MATN3: variants seen among roughly 807,000 people sequenced by gnomAD.
The protein encoded by MATN3 is matrilin 3.
In MATN3, 48 loss-of-function variants were observed where a neutral mutation model predicts 45.3. That is an observed-to-expected ratio of 1.06 (90% confidence interval 0.84 to 1.35). The LOEUF is 1.35. Ranked by LOEUF, MATN3 falls within the 40% of genes most tolerant of loss-of-function variation. The pLI is 0.00. For missense variants in MATN3, 599 were observed against 628.0 expected, an observed-to-expected ratio of 0.95 and a Z score of 0.49; for synonymous variants, 217 against 245.9, an observed-to-expected ratio of 0.88 and a Z score of 1.10.
Position 19,994,417 on chromosome 2 carries a change from C to T in MATN3, c.1295-8G>A, listed in dbSNP as rs1369645415. 2 of 1,513,236 alleles carry T rather than the reference C, an allele frequency of 1.3e-6. No individual in the cohort carries two copies. The highest frequency in any genetic ancestry group is 3.4e-5 in the Admixed American group (2 of 59,098). 93.7% of individuals were successfully genotyped at this position (1,513,236 alleles called of 1,614,324 possible). A position where few individuals can be genotyped will look rare whatever the true frequency, so the allele number is the denominator to read the frequency against. ...TTCGTGCTTCCTCAGTGGCTGAAGACAATGACAGTACACAAATATACTATC... is the reference window on the plus strand; with the variant it reads ...TTCGTGCTTCCTCAGTGGCTGAAGATAATGACAGTACACAAATATACTATC... On this transcript the variant is annotated splice_polypyrimidine_tract_variant and splice_region_variant and intron_variant, in intron 6 of 7. Transcript: ENST00000407540.
chr2:20,006,254 C>G lies in MATN3; in HGVS notation c.280G>C (p.Val94Leu), dbSNP rs1251267503. The change falls in exon 2 of 8, where the codon GTA becomes CTA. Residue 94 changes from valine to leucine, a missense_variant. By Grantham distance (32) the Val-to-Leu change is conservative (BLOSUM62 1). Coordinates refer to ENST00000407540, the MANE Select transcript of MATN3 (RefSeq NM_002381.5). ...LVFIIDSSRS[V>L]RPLEFTKVKT... is the part of the protein sequence containing the mutation. ...ACTTTGGTGAATTCCAGGGGCCGTA[C>G]GCTACGAGAACTATCAATGATAAAC... 1 of 1,607,486 alleles carries G rather than the reference C, an allele frequency of 6.2e-7. No individual in the cohort carries two copies. Among genetic ancestry groups the G allele is most frequent in the African/African-American group, 1.3e-5 (1 of 74,844 alleles).
Position 20,000,482 on chromosome 2 carries a change from T to G in MATN3, c.1127A>C (p.Tyr376Ser). 6.2e-7 allele frequency: 1 copy of G among 1,612,828 alleles called. No homozygotes were observed. Among genetic ancestry groups the G allele is most frequent in the Non-Finnish European group, 8.5e-7 (1 of 1,179,342 alleles). ...ATCTGCATTCAGAGTGTAGCCCTCA[T>G]AGCATTCACAATGATGGGACCCTGT... ...DRTGSHHCEC[Y>S]EGYTLNADKK... The change falls in exon 5 of 8, where the codon TAT (tyrosine) becomes TCT (serine). Residue 376 changes from tyrosine (Y) to serine (S), a missense_variant. Transcript: ENST00000407540.
intron 5 of MATN3, among the ~76,000 whole-genome samples, chr2:19,998,152 G>A (rs1041655287): frequency 2.0e-5 from 3 of 152,126 alleles, no homozygotes; most frequent in Admixed American, 1.3e-4. Context: ...AATGTGAGAC[G>A]CTATATAATC....
chr2:20,001,821 TA>T, intron 4 of MATN3, 133 bp downstream of exon 4: 1 of 799,912 alleles, frequency 1.3e-6, no homozygotes, highest in Non-Finnish European at 2.0e-6. Context: ...GGATAAGACT[TA>T]AAAATGGGAA....
At chr2:19,997,304 A>G (rs1286596251) in intron 5 of MATN3, 45 bp from the exon 6 acceptor site, 3 of 1,540,006 alleles carry the variant, frequency 1.9e-6, no homozygotes, top group Non-Finnish European at 2.6e-6. Context: ...CACATTAAAT[A>G]GAAAAGTAAA....
chr2:20,006,204 G>T lies in MATN3; in HGVS notation c.330C>A (p.Ile110=). ...TKVKTFVSRI[I]DTLDIGPADT... Reference sequence around the variant, plus strand: ...CGGCTGGCCCAATGTCCAGAGTGTCGATTATCCGGGAGACAAAAGTTTTCA... The same window carrying T: ...CGGCTGGCCCAATGTCCAGAGTGTCTATTATCCGGGAGACAAAAGTTTTCA... The change falls in exon 2 of 8, where the codon ATC becomes ATA. Residue 110 remains isoleucine (I), a synonymous_variant. Coordinates refer to ENST00000407540, the MANE Select transcript of MATN3 (RefSeq NM_002381.5). 1 of 1,613,588 alleles carries T rather than the reference G, an allele frequency of 6.2e-7. No homozygotes were observed. The highest frequency in any genetic ancestry group is 1.1e-5 in the South Asian group (1 of 90,982).
intron 7 of MATN3, 62 bp downstream of exon 7, chr2:19,994,237 G>T: frequency 9.9e-7 from 1 of 1,011,506 alleles, no homozygotes; most frequent in Non-Finnish European, 1.5e-6. Context: ...TAAAGTGTTT[G>T]GCTCGATCGT....
intron 3 of MATN3, 79 bp from the exon 4 acceptor site, chr2:20,002,159 TATACAC>T: frequency 2.9e-5 from 21 of 723,140 alleles, no homozygotes; most frequent in East Asian, 4.4e-5. Context: ...CACTTACAGT[TATACAC>T]ACACACACAC....
chr2:19,998,291 C>T (rs993749164), intron 5 of MATN3, among the ~76,000 whole-genome samples: 2 of 151,996 alleles, frequency 1.3e-5, no homozygotes, highest in Admixed American at 6.6e-5. Context: ...CAGGTTAGTA[C>T]CCACTCTACA....
chr2:20,006,383 T>G, intron 1 of MATN3, 73 bp from the exon 2 acceptor site: 2 of 1,220,232 alleles, frequency 1.6e-6, no homozygotes, highest in South Asian at 1.6e-5. Flanking sequence ...AACTCTGGGA[T>G]TCCAGGAGGC....
intron 1 of MATN3, among the ~76,000 whole-genome samples, chr2:20,010,318 C>T (rs1252665317): frequency 6.6e-6 from 1 of 152,156 alleles, no homozygotes; most frequent in Non-Finnish European, 1.5e-5. Flanking sequence ...ACTAAACGTG[C>T]ATGATTCTTT....
rs1672964735 is a variant in MATN3 at position 20,000,556 on chromosome 2, T to A, written c.1053A>T (p.Lys351Asn). ...EDRKTCSAQDKCALGTHGCQH... is the reference protein window; with the variant it reads ...EDRKTCSAQDNCALGTHGCQH... The stretch of plus-strand genomic sequence containing the variant: ...GACACCCATGGGTACCCAAAGCACA[T>A]TTATCTTGAGCTGTGAAACAAAAAG... The change falls in exon 5 of 8, where the codon AAA becomes AAT. Residue 351 changes from lysine to asparagine, a missense_variant. Lys to Asn is a moderately conservative substitution (Grantham distance 94). Transcript: ENST00000407540. The A allele has an allele frequency of 9.3e-6, 15 of 1,608,538 alleles. No homozygotes were observed. The South Asian group carries it at 1.5e-4, about 16-fold the overall frequency.
At chr2:20,003,337 A>T in intron 2 of MATN3, 51 bp from the exon 3 acceptor site, 1 of 1,505,738 alleles carries the variant, frequency 6.6e-7, no homozygotes, top group Non-Finnish European at 9.0e-7. Context: ...GAAACATCTC[A>T]GATACCGTCT....
intron 6 of MATN3, among the ~76,000 whole-genome samples, chr2:19,994,692 A>G (rs1375938688): frequency 6.6e-6 from 1 of 152,204 alleles, no homozygotes; most frequent in African/African-American, 2.4e-5. Context: ...TGATTGCCAG[A>G]AATTATTCAT....
intron 3 of MATN3, 132 bp from the exon 4 acceptor site, chr2:20,002,212 G>A (rs772127146): frequency 3.2e-6 from 2 of 628,568 alleles, no homozygotes; most frequent in Non-Finnish European, 4.8e-6. Context: ...AAACAAGGGA[G>A]GGGCAGCTGG....
intron 1 of MATN3, among the ~76,000 whole-genome samples, chr2:20,009,330 G>C (rs1673172893): frequency 6.6e-6 from 1 of 150,818 alleles, no homozygotes; most frequent in Admixed American, 6.6e-5. Context: ...TCCTTTGCAG[G>C]GACATGGATG....
intron 2 of MATN3, among the ~76,000 whole-genome samples, 176 bp downstream of exon 2, chr2:20,005,568 T>C (rs938687507): frequency 6.6e-6 from 1 of 152,194 alleles, no homozygotes; most frequent in Non-Finnish European, 1.5e-5. Flanking sequence ...CAATAGAGTG[T>C]GTTTAGGTTG....
intron 5 of MATN3, among the ~76,000 whole-genome samples, chr2:19,999,861 G>A (rs1244389709): frequency 2.0e-5 from 3 of 152,116 alleles, no homozygotes; most frequent in Admixed American, 6.6e-5. Flanking sequence ...AATTAATGAG[G>A]ATTAACAGCA....
Position 20,003,234 on chromosome 2 carries a change from A to G in MATN3, c.843T>C (p.Ser281=). Residue 281 remains serine (S), a synonymous_variant, in exon 3 of 8, where the codon AGT becomes AGC. Transcript: ENST00000407540. ...CACAGTGGTGCTTGCCTTCCCCATCACTGATGCAGACGTGCTGGCACTGGT... is the reference window on the plus strand; with the variant it reads ...CACAGTGGTGCTTGCCTTCCCCATCGCTGATGCAGACGTGCTGGCACTGGT... The part of the protein sequence containing the change: ...GTHQCQHVCI[S]DGEGKHHCEC... The G allele has an allele frequency of 6.2e-7, 1 of 1,613,874 alleles. No individual in the cohort carries two copies. The highest frequency in any genetic ancestry group is 1.1e-5 in the South Asian group (1 of 91,084).
Sources: allele counts gnomAD v4.1 joint callset (sites outside exome capture counted in the v4.1 genomes callset), GRCh38; gene constraint gnomAD v4.1.1; transcripts MANE v1.5; gene names NCBI Gene and HGNC (gene_info 2026-07-23, HGNC 2026-07-21).